SYT14: variants seen among roughly 807,000 people sequenced by gnomAD.
The protein encoded by SYT14 is synaptotagmin 14, also known as synaptotagmin-14.
In SYT14, 32 loss-of-function variants were observed where a neutral mutation model predicts 74.2. The observed-to-expected ratio is 0.43, with a 90% CI of 0.33 to 0.58. SYT14 has a LOEUF of 0.58. Among genes scored for constraint, SYT14 ranks in the 20% least tolerant of loss-of-function variants. The pLI is 0.05. For missense variants in SYT14, 791 were observed against 981.8 expected, an observed-to-expected ratio of 0.81 and a Z score of 2.60; for synonymous variants, 298 against 337.7, an observed-to-expected ratio of 0.88 and a Z score of 1.29.
intron 5 of SYT14, among the ~76,000 whole-genome samples, chr1:210,053,535 G>A (rs555954038): frequency 1.3e-5 from 2 of 152,330 alleles, no homozygotes; most frequent in South Asian, 4.1e-4. Context: ...AGAATGGATT[G>A]GAGCTGGTGG....
intron 7 of SYT14, among the ~76,000 whole-genome samples, chr1:210,114,157 C>G (rs2082314239): frequency 6.6e-6 from 1 of 151,390 alleles, no homozygotes; most frequent in African/African-American, 2.5e-5. Context: ...GAGTGGCTGC[C>G]AGGCAAGCTG....
chr1:210,001,331 CCTTTA>C (rs993405880), intron 2 of SYT14, among the ~76,000 whole-genome samples: 19 of 151,108 alleles, frequency 1.3e-4, no homozygotes, highest in African/African-American at 4.1e-4. Context: ...TGTCTTGACT[CCTTTA>C]CTTTGTTAGT....
At chr1:210,041,038 G>T (rs1263796457) in intron 5 of SYT14, among the ~76,000 whole-genome samples, 1 of 152,128 alleles carries the variant, frequency 6.6e-6, no homozygotes, top group Non-Finnish European at 1.5e-5. Context: ...GCCAGTAAAG[G>T]CTGCAGTTAC....
At chr1:209,969,715 C>T (rs1253041067) in intron 2 of SYT14, among the ~76,000 whole-genome samples, 3 of 151,930 alleles carry the variant, frequency 2.0e-5, no homozygotes, top group Non-Finnish European at 4.4e-5. Context: ...TCTTGATCTC[C>T]TGATCCACCC....
At chr1:210,008,881 TAGGG>T (rs975847494) in intron 2 of SYT14, among the ~76,000 whole-genome samples, 3 of 152,166 alleles carry the variant, frequency 2.0e-5, no homozygotes, top group Admixed American at 2.0e-4. Flanking sequence ...TATTTTTTAT[TAGGG>T]AGGTATGAAT....
chr1:210,002,370 G>A (rs141750392), intron 2 of SYT14, among the ~76,000 whole-genome samples: 303 of 151,960 alleles, frequency 2.0e-3, no homozygotes, highest in African/African-American at 6.9e-3. Context: ...AGTTTTGCCT[G>A]TTTTGAACTT....
chr1:210,017,340 A>G lies in SYT14; in HGVS notation c.1096+241A>G, dbSNP rs563901092. 2.6e-5 allele frequency among the ~76,000 whole-genome samples: 4 copies of G among 152,124 alleles called. No individual in the cohort carries two copies. In the South Asian group the frequency reaches 8.3e-4, roughly 32 times the overall value. On this transcript the variant is annotated intron_variant, in intron 4 of 9. Coordinates refer to ENST00000637265, the Ensembl canonical transcript of SYT14. ...CCCTGGTCCCTGCATTATTTGGCCA[A>G]CTTTTCAGCAGCCCTAGTTTTTCTT...
chr1:209,950,685 T>C (rs79993055), intron 1 of SYT14, among the ~76,000 whole-genome samples: 141 of 152,328 alleles, frequency 9.3e-4, no homozygotes, highest in African/African-American at 3.2e-3. Context: ...TACTATTTTC[T>C]AGTTTTTTTA....
chr1:209,960,483 A>G (rs1048112220), intron 2 of SYT14, among the ~76,000 whole-genome samples: 6 of 152,168 alleles, frequency 3.9e-5, no homozygotes, highest in African/African-American at 1.4e-4. Context: ...TTCCTTGACT[A>G]GAAGGAAGTC....
rs1025052193 is a variant in SYT14, at chr1:210,160,665, A to G, written c.2282-64A>G. The G allele has an allele frequency of 7.1e-6, 10 of 1,410,552 alleles. No homozygotes were observed. The Admixed American group carries it at 7.6e-5, about 11-fold the overall frequency. 87.4% of individuals were successfully genotyped at this position (1,410,552 alleles called of 1,614,324 possible). The stretch of plus-strand genomic sequence containing the variant: ...TATAAATACTTAATTTTCTTAGCCT[A>G]TAAAAAATTGTTTTGAGTTTGTTTC... On this transcript the variant is annotated intron_variant, in intron 9 of 9. Transcript: ENST00000637265.
At chr1:210,090,925 A>G (rs2081854555) in intron 5 of SYT14, among the ~76,000 whole-genome samples, 1 of 152,186 alleles carries the variant, frequency 6.6e-6, no homozygotes. Flanking sequence ...TGTGTTCTAC[A>G]CTTTAAAAAA....
chr1:210,138,546 A>T (rs939380755), intron 7 of SYT14, among the ~76,000 whole-genome samples: 8 of 152,152 alleles, frequency 5.3e-5, no homozygotes, highest in African/African-American at 1.9e-4. Context: ...TGACTTGGGA[A>T]TAGCTATAGG....
intron 2 of SYT14, among the ~76,000 whole-genome samples, chr1:210,002,800 A>AT (rs1413718404): frequency 1.3e-5 from 2 of 152,124 alleles, no homozygotes; most frequent in East Asian, 3.9e-4. Flanking sequence ...CTTTAAAAAA[A>AT]TGTTTTTACA....
At chr1:209,958,598 A>G (rs2079028818) in intron 2 of SYT14, among the ~76,000 whole-genome samples, 1 of 152,028 alleles carries the variant, frequency 6.6e-6, no homozygotes, top group Non-Finnish European at 1.5e-5. Flanking sequence ...GCATTTTTTT[A>G]GATTTATGTT....
At chr1:210,109,587 AAAAG>A (rs1235589515) in intron 7 of SYT14, among the ~76,000 whole-genome samples, 3 of 151,568 alleles carry the variant, frequency 2.0e-5, no homozygotes, top group Admixed American at 6.6e-5. Context: ...AAAAAAAAAA[AAAAG>A]AGAGAAAAAA....
intron 1 of SYT14, among the ~76,000 whole-genome samples, chr1:209,949,440 G>A (rs2078876051): frequency 6.6e-6 from 1 of 152,016 alleles, no homozygotes; most frequent in Admixed American, 6.6e-5. Flanking sequence ...GGGCCTGGTG[G>A]CATGTGCCTG....
chr1:209,960,926 T>G (rs1247033273), intron 2 of SYT14, among the ~76,000 whole-genome samples: 1 of 152,178 alleles, frequency 6.6e-6, no homozygotes, highest in African/African-American at 2.4e-5. Flanking sequence ...GGTAGATTAC[T>G]GTTACTAAAG....
At chr1:210,040,955 G>A (rs909005432) in intron 5 of SYT14, among the ~76,000 whole-genome samples, 9 of 152,138 alleles carry the variant, frequency 5.9e-5, no homozygotes, top group African/African-American at 1.7e-4. Context: ...GTTCTTCTAC[G>A]GGAGTGGCCT....
intron 2 of SYT14, among the ~76,000 whole-genome samples, chr1:210,000,003 A>G (rs1440594101): frequency 2.6e-5 from 4 of 152,212 alleles, no homozygotes; most frequent in African/African-American, 9.7e-5. Context: ...GTAACAAAAT[A>G]TCAGATGTAC....
Sources: gnomAD v4.1 joint callset for allele counts (sites outside exome capture counted in the v4.1 genomes callset) on GRCh38, gnomAD v4.1.1 for gene constraint, MANE v1.5 for transcripts, NCBI Gene and HGNC (gene_info 2026-07-23, HGNC 2026-07-21) for gene names.